The following BRSK2 variants were observed in gnomAD, a reference collection of about 807,000 sequenced individuals.
BRSK2 encodes serine/threonine-protein kinase BRSK2.
A neutral mutation model predicts 83.3 loss-of-function variants in BRSK2; 19 were observed. That is an observed-to-expected ratio of 0.23 (90% CI 0.16 to 0.33). The LOEUF (loss-of-function observed/expected upper bound fraction) is 0.33. Ranked by LOEUF, BRSK2 falls within the 10% of genes least tolerant of loss-of-function variation. The pLI is 1.00. For synonymous variants in BRSK2, 519 were observed against 435.4 expected (o/e 1.19, Z -2.39); for missense variants, 798 against 1,042.3 (o/e 0.77, Z 3.23).
At chr11:1,436,005 G>A (rs1182801510) in intron 1 of BRSK2, 35 bp from the exon 2 acceptor site, 2 of 1,544,880 alleles carry the variant, frequency 1.3e-6, no homozygotes, top group East Asian at 4.6e-5. Context: ...CAGGCACCCT[G>A]GGTGGGTCTG....
intron 8 of BRSK2, among the ~76,000 whole-genome samples, chr11:1,444,269 C>T (rs914824597): frequency 1.3e-5 from 2 of 152,076 alleles, no homozygotes; most frequent in African/African-American, 2.4e-5. Context: ...CCAAAGGTAG[C>T]CCCCAGCTGC....
At chr11:1,444,938 C>A (rs1404365561) in intron 8 of BRSK2, 33 bp from the exon 9 acceptor site, 2 of 1,605,678 alleles carry the variant, frequency 1.2e-6, no homozygotes, top group Non-Finnish European at 1.7e-6. Flanking sequence ...CGTCCCTCGT[C>A]CGTACTAACT....
chr11:1,438,174 G>A lies in BRSK2; in HGVS notation c.187-132G>A. On this transcript the variant is annotated intron_variant, in intron 2 of 19. Transcript: ENST00000528841. This position sits in a 1 kb window ranked among gnomAD's most constrained non-coding sequence, Gnocchi z 6.4. ...GCGTCCCCCACAGCTGGCACCAAAGGCCCCTGCGACCCCCACAGCTGGCAC... is the reference window on the plus strand; with the variant it reads ...GCGTCCCCCACAGCTGGCACCAAAGACCCCTGCGACCCCCACAGCTGGCAC... 1.5e-6 allele frequency: 1 copy of A among 657,616 alleles called. No individual in the cohort carries two copies. Among genetic ancestry groups the A allele is most frequent in the Non-Finnish European group, 2.5e-6 (1 of 395,056 alleles). The allele number at this position is 657,616 out of a possible 1,614,324, so 40.7% of individuals were successfully genotyped here.
At chr11:1,453,347 G>A (rs1846038524) in intron 15 of BRSK2, among the ~76,000 whole-genome samples, 1 of 152,236 alleles carries the variant, frequency 6.6e-6, no homozygotes, top group Non-Finnish European at 1.5e-5. Context: ...GGGCCGCAAA[G>A]CAGAGAGTCA....
intron 8 of BRSK2, 106 bp downstream of exon 8, chr11:1,443,741 G>C (rs1851662822): frequency 7.4e-7 from 1 of 1,353,584 alleles, no homozygotes; most frequent in Non-Finnish European, 9.7e-7. Context: ...TGGGCACCCA[G>C]GTGTGTGGGT....
chr11:1,408,776 TGTTTGGC>T (rs1564801280), intron 1 of BRSK2, among the ~76,000 whole-genome samples: 14 of 121,276 alleles, frequency 1.2e-4, no homozygotes, highest in Non-Finnish European at 2.7e-4. Flanking sequence ...TGTGTGTGTG[TGTTTGGC>T]TGTGCAAGGG....
chr11:1,461,040 A>T lies in BRSK2; in HGVS notation c.*317A>T. 2 of 1,608,648 alleles carry T rather than the reference A, an allele frequency of 1.2e-6. No individual in the cohort carries two copies. The highest frequency in any genetic ancestry group is 1.7e-6 in the Non-Finnish European group (2 of 1,177,948). ...CTGTGACCGAAGGCAGCTGCTGCGG[A>T]CCCGCCCTCCCTCCGCTCCTGCTGT... On this transcript the variant is annotated 3_prime_UTR_variant, in exon 20 of 20. Coordinates refer to ENST00000528841, the MANE Select transcript of BRSK2 (RefSeq NM_001256627.2).
intron 16 of BRSK2, among the ~76,000 whole-genome samples, chr11:1,455,651 C>T (rs940498880): frequency 7.2e-5 from 11 of 151,880 alleles, no homozygotes; most frequent in Admixed American, 4.6e-4. Flanking sequence ...TCAGCGTCCC[C>T]GTCCCCGTCC....
rs1323632099 is a variant in BRSK2, at chr11:1,460,504, C to T, written c.1992C>T (p.Ser664=). ...GTCTCTGTTCTGTGTACCCAGGCAG[C>T]CCATTGAGTAACTTCTTTGACGTAA... ...MMTGRLSKCG[S]PLSNFFDVIK... The change falls in exon 20 of 20, where the codon AGC becomes AGT. Residue 664 remains serine, a synonymous_variant. Coordinates refer to ENST00000528841, the MANE Select transcript of BRSK2 (RefSeq NM_001256627.2). 3 of 1,467,574 alleles carry T rather than the reference C, an allele frequency of 2.0e-6. No homozygotes were observed. Among genetic ancestry groups the T allele is most frequent in the Non-Finnish European group, 1.8e-6 (2 of 1,109,742 alleles). The allele number at this position is 1,467,574 out of a possible 1,614,324, so 90.9% of individuals were successfully genotyped here.
rs1202367539 is a variant in BRSK2 at position 1,390,807 on chromosome 11, C to T, written c.91+432C>T. ...GCTGCCCGAGCAGCTGCGCCCCCGG[C>T]GGGACTCCCACCTCCGCGCGCCGGC... On this transcript the variant is annotated intron_variant, in intron 1 of 19. Transcript: ENST00000528841. This position sits in a 1 kb window ranked among gnomAD's most constrained non-coding sequence, Gnocchi z 6.8. 2.0e-5 allele frequency among the ~76,000 whole-genome samples: 3 copies of T among 152,088 alleles called. No individual in the cohort carries two copies. The highest frequency in any genetic ancestry group is 6.5e-5 in the Admixed American group (1 of 15,276).
intron 19 of BRSK2, among the ~76,000 whole-genome samples, chr11:1,459,642 T>C (rs1202024884): frequency 2.0e-5 from 3 of 152,042 alleles, no homozygotes; most frequent in Non-Finnish European, 2.9e-5. Flanking sequence ...AGGGCTCAGG[T>C]GGGGGTTAGG....
chr11:1,446,090 TAGCTGGGCTGGGCTGGGCTGGGAGCTG>T (rs1852042723), intron 12 of BRSK2, among the ~76,000 whole-genome samples, 183 bp downstream of exon 12: 2 of 109,556 alleles, frequency 1.8e-5, no homozygotes, highest in Non-Finnish European at 3.9e-5. Flanking sequence ...GGGCTGGGCT[TAGCTGGGCTGGGCTGGGCTGGGAGCTG>T]AGCTGGGCTG....
At chr11:1,442,961 C>A in intron 5 of BRSK2, 145 bp from the exon 6 acceptor site, 1 of 999,764 alleles carries the variant, frequency 1.0e-6, no homozygotes, top group Non-Finnish European at 1.4e-6. Flanking sequence ...CTCCCAAAAG[C>A]CCGCCTGGGG....
intron 1 of BRSK2, among the ~76,000 whole-genome samples, chr11:1,418,990 T>A (rs1001309575): frequency 6.6e-6 from 1 of 152,204 alleles, no homozygotes; most frequent in Non-Finnish European, 1.5e-5. Context: ...GATTGATTAA[T>A]TGATTGATCG....
intron 12 of BRSK2, among the ~76,000 whole-genome samples, 163 bp downstream of exon 12, chr11:1,446,070 T>TGGCTGGGCTGGGCTGGGCTTAGCTG (rs1452573224): frequency 3.7e-5 from 2 of 54,694 alleles, no homozygotes; most frequent in Non-Finnish European, 8.7e-5. Context: ...GGGCTGGGCT[T>TGGCTGGGCTGGGCTGGGCTTAGCTG]GGCTGGGCTG....
intron 18 of BRSK2, chr11:1,456,903 G>A (rs1476494738): frequency 1.3e-6 from 2 of 1,575,038 alleles, no homozygotes; most frequent in African/African-American, 1.3e-5. Context: ...TGCACGCCAG[G>A]GACATAGGGC....
At chr11:1,429,241 TCCTGG>T (rs1849655825) in intron 1 of BRSK2, among the ~76,000 whole-genome samples, 1 of 106,490 alleles carries the variant, frequency 9.4e-6, no homozygotes, top group African/African-American at 5.5e-5. Context: ...CATGGGTGTG[TCCTGG>T]ATGCATGTGC....
intron 8 of BRSK2, among the ~76,000 whole-genome samples, chr11:1,444,700 C>T (rs1851779437): frequency 1.3e-5 from 2 of 151,890 alleles, no homozygotes; most frequent in Non-Finnish European, 2.9e-5. Flanking sequence ...CCTGGAGCAC[C>T]CCCTCCGACT....
rs1294238493 is a variant in BRSK2, at chr11:1,423,282, ACTGTC to A, written c.92-12750_92-12746del. On this transcript the variant is annotated intron_variant, in intron 1 of 19. Transcript: ENST00000528841. This position sits in a 1 kb window ranked among gnomAD's most constrained non-coding sequence, Gnocchi z 6.5. ...AACGGCAGAACCAGGGACCCTCCCC[ACTGTC>A]CTGTCCTTAGCGTCTTGAGGCTAGG... Among the ~76,000 whole-genome samples the A allele has an allele frequency of 1.3e-5, 2 of 152,216 alleles. No homozygotes were observed. The highest frequency in any genetic ancestry group is 3.4e-3 in the Middle Eastern group (1 of 294).
Sources: allele counts gnomAD v4.1 joint callset (sites outside exome capture counted in the v4.1 genomes callset), GRCh38; gene constraint gnomAD v4.1.1; non-coding constraint Gnocchi (gnomAD v3.1); transcripts MANE v1.5; gene names NCBI Gene and HGNC (gene_info 2026-07-23, HGNC 2026-07-21).